MACROD1: variants seen among roughly 807,000 people sequenced by gnomAD.
MACROD1 encodes the protein ADP-ribose glycohydrolase MACROD1.
MACROD1 carries 31 observed loss-of-function variants against 41.4 expected under a neutral mutation model. That is an observed-to-expected ratio of 0.75 (90% CI 0.56 to 1.01). The LOEUF is 1.01. Among genes scored for constraint, MACROD1 ranks in the 50% least tolerant of loss-of-function variants. The probability of loss-of-function intolerance (pLI) is 0.00; values close to 1 mark genes in which losing one functional copy is unlikely to be tolerated. For missense variants in MACROD1, 473 were observed against 460.0 expected (o/e 1.03, Z -0.26); for synonymous variants, 252 against 203.4 (o/e 1.24, Z -2.03).
intron 3 of MACROD1, among the ~76,000 whole-genome samples, chr11:64,057,184 T>G (rs11231686): frequency 0.011 from 1,718 of 152,266 alleles, 35 homozygotes; most frequent in African/African-American, 0.039. Context: ...AGCCCCGTGT[T>G]TATAAGGCTG....
intron 3 of MACROD1, among the ~76,000 whole-genome samples, chr11:64,060,183 A>G (rs1943872308): frequency 6.6e-6 from 1 of 152,270 alleles, no homozygotes; most frequent in Non-Finnish European, 1.5e-5. Context: ...CGGTGCCAGC[A>G]TCTGCCCAGC....
At chr11:64,078,287 C>G (rs924798103) in intron 3 of MACROD1, among the ~76,000 whole-genome samples, 7 of 152,222 alleles carry the variant, frequency 4.6e-5, no homozygotes, top group Non-Finnish European at 1.0e-4. Flanking sequence ...CATGAGACCC[C>G]TGCCCTGGCC....
At chr11:64,130,764 C>G (rs111859074) in intron 3 of MACROD1, among the ~76,000 whole-genome samples, 2 of 152,248 alleles carry the variant, frequency 1.3e-5, no homozygotes, top group Non-Finnish European at 2.9e-5. Context: ...CCCCACCCGC[C>G]ACCCTGTCCA....
chr11:64,118,009 G>A (rs1393488373), intron 3 of MACROD1: 1 of 1,613,540 alleles, frequency 6.2e-7, no homozygotes, highest in East Asian at 2.2e-5. Flanking sequence ...CACCAGGCTG[G>A]CGAGCTGCTG....
At chr11:64,000,593 C>T (rs1210728343) in intron 4 of MACROD1, among the ~76,000 whole-genome samples, 2 of 152,050 alleles carry the variant, frequency 1.3e-5, no homozygotes, top group Middle Eastern at 3.4e-3. Flanking sequence ...GCAGGGGGCG[C>T]ACCCGGCCCA....
chr11:64,071,820 T>A (rs1416614894), intron 3 of MACROD1, among the ~76,000 whole-genome samples: 1 of 152,062 alleles, frequency 6.6e-6, no homozygotes, highest in East Asian at 1.9e-4. Context: ...GATGGATCTT[T>A]AAGGGGCATC....
chr11:64,164,646 AT>A (rs1201509874), intron 1 of MACROD1, among the ~76,000 whole-genome samples: 1 of 152,176 alleles, frequency 6.6e-6, no homozygotes, highest in Non-Finnish European at 1.5e-5. Flanking sequence ...TCAGGAGTAA[AT>A]CATTTTGATT....
At chr11:64,127,967 T>G (rs998900778) in intron 3 of MACROD1, among the ~76,000 whole-genome samples, 9 of 152,182 alleles carry the variant, frequency 5.9e-5, no homozygotes, top group African/African-American at 2.2e-4. Context: ...AAACAAGAAC[T>G]CATTACTTCT....
intron 3 of MACROD1, among the ~76,000 whole-genome samples, chr11:64,131,804 G>C (rs766088191): frequency 6.6e-6 from 1 of 152,232 alleles, no homozygotes; most frequent in Non-Finnish European, 1.5e-5. Flanking sequence ...TGGAGCTCAC[G>C]TGCTGCCTGC....
chr11:64,155,087 C>T (rs556505165), intron 1 of MACROD1, among the ~76,000 whole-genome samples: 17 of 152,302 alleles, frequency 1.1e-4, no homozygotes, highest in Admixed American at 8.5e-4. Context: ...CCATCAGATT[C>T]CCACCACCTG....
In MACROD1 at chr11:63,998,677, C is replaced by G. The variant is rs1430153280; in HGVS notation, c.*41G>C. 5.0e-5 allele frequency: 67 copies of G among 1,338,748 alleles called. No homozygotes were observed. Among genetic ancestry groups the G allele is most frequent in the Non-Finnish European group, 6.2e-5 (65 of 1,048,478 alleles). 82.9% of individuals were successfully genotyped at this position (1,338,748 alleles called of 1,614,324 possible). A position where few individuals can be genotyped will look rare whatever the true frequency, so the allele number is the denominator to read the frequency against. Reference sequence around the variant, plus strand: ...CCTCTCAGAGCTGGGAGCGGGGTCCCGAAGGCGGGTCTGAGGGCAGAGCAG... The same window carrying G: ...CCTCTCAGAGCTGGGAGCGGGGTCCGGAAGGCGGGTCTGAGGGCAGAGCAG... On this transcript the variant is annotated 3_prime_UTR_variant, in exon 11 of 11. Coordinates refer to ENST00000255681, the MANE Select transcript of MACROD1 (RefSeq NM_014067.4).
chr11:63,998,754 C>T, intron 10 of MACROD1, 67 bp from the exon 11 acceptor site: 1 of 1,424,770 alleles, frequency 7.0e-7, no homozygotes, highest in Non-Finnish European at 9.2e-7. Flanking sequence ...CCCGTGGTTT[C>T]CCGCCCTGCT....
chr11:64,007,022 T>A (rs1179221650), intron 4 of MACROD1, among the ~76,000 whole-genome samples: 1 of 152,058 alleles, frequency 6.6e-6, no homozygotes, highest in Non-Finnish European at 1.5e-5. Flanking sequence ...GCATCCCCTG[T>A]CATAAAACCT....
chr11:64,040,595 A>G (rs975300225), intron 3 of MACROD1, among the ~76,000 whole-genome samples: 1 of 152,110 alleles, frequency 6.6e-6, no homozygotes, highest in Non-Finnish European at 1.5e-5. Flanking sequence ...TTTTCCCGAG[A>G]GCTGTGTGTT....
At chr11:64,058,221 G>T (rs914419610) in intron 3 of MACROD1, among the ~76,000 whole-genome samples, 1 of 152,254 alleles carries the variant, frequency 6.6e-6, no homozygotes, top group Non-Finnish European at 1.5e-5. Context: ...TAGAGAGGTG[G>T]GCATCTGAGC....
At chr11:64,014,773 G>A (rs910879759) in intron 4 of MACROD1, among the ~76,000 whole-genome samples, 4 of 152,232 alleles carry the variant, frequency 2.6e-5, no homozygotes, top group African/African-American at 4.8e-5. Context: ...CCCCTGCTCC[G>A]TGGTGGTCGT....
chr11:64,117,060 C>G (rs763341717), intron 3 of MACROD1: 1 of 1,603,926 alleles, frequency 6.2e-7, no homozygotes. Flanking sequence ...CGCGCCACCC[C>G]TCAACCTGCC....
chr11:64,081,488 C>T (rs887592496), intron 3 of MACROD1, among the ~76,000 whole-genome samples: 3 of 152,174 alleles, frequency 2.0e-5, no homozygotes, highest in Non-Finnish European at 4.4e-5. Context: ...TCAGGACAAG[C>T]CCTGCCTGGT....
At chr11:64,091,322 G>A (rs943115924) in intron 3 of MACROD1, among the ~76,000 whole-genome samples, 2 of 151,992 alleles carry the variant, frequency 1.3e-5, no homozygotes, top group East Asian at 1.9e-4. Context: ...ATTTCATCAC[G>A]TTTCATTTTC....
Sources: gnomAD v4.1 joint callset for allele counts (sites outside exome capture counted in the v4.1 genomes callset) on GRCh38, gnomAD v4.1.1 for gene constraint, MANE v1.5 for transcripts, NCBI Gene and HGNC (gene_info 2026-07-23, HGNC 2026-07-21) for gene names.